Variants in QTMAN observed in about 807,000 individuals in gnomAD.
QTMAN encodes tRNA-queuosine alpha-mannosyltransferase.
At chr2:144,002,870 A>G in the QTMAN span, among the ~76,000 whole-genome samples, 1 of 152,000 alleles carries the variant, frequency 6.6e-6, no homozygotes, top group Non-Finnish European at 1.5e-5. Context: ...TTTTCCAGCT[A>G]TATTTCTTTG....
chr2:143,994,696 T>C, the QTMAN span, among the ~76,000 whole-genome samples: 1 of 152,126 alleles, frequency 6.6e-6, no homozygotes, highest in Admixed American at 6.5e-5. Context: ...GGCAAATCTA[T>C]AGTGAAAGCA....
chr2:143,987,144 G>A, the QTMAN span, among the ~76,000 whole-genome samples: 1 of 152,120 alleles, frequency 6.6e-6, no homozygotes, highest in Non-Finnish European at 1.5e-5. Flanking sequence ...GTGAGTCCTG[G>A]GCTCTGGCAC....
At chr2:144,327,248 C>A in the QTMAN span, among the ~76,000 whole-genome samples, 4 of 152,134 alleles carry the variant, frequency 2.6e-5, no homozygotes, top group African/African-American at 9.7e-5. Context: ...CATACCCCAC[C>A]CCACACGTCT....
At chr2:144,317,115 T>G in the QTMAN span, among the ~76,000 whole-genome samples, 2 of 152,192 alleles carry the variant, frequency 1.3e-5, no homozygotes, top group South Asian at 4.1e-4. Flanking sequence ...AAATAGAGTG[T>G]TCATCTATGA....
At chr2:144,141,602 A>G in the QTMAN span, among the ~76,000 whole-genome samples, 1 of 149,388 alleles carries the variant, frequency 6.7e-6, no homozygotes. Flanking sequence ...AAAAAAAAAA[A>G]GAAAGAAAGA....
At chr2:144,159,568 C>T in the QTMAN span, among the ~76,000 whole-genome samples, 1 of 152,028 alleles carries the variant, frequency 6.6e-6, no homozygotes, top group Non-Finnish European at 1.5e-5. Flanking sequence ...AGGTATTATA[C>T]AAGCATGGAA....
chr2:143,957,441 C>T, the QTMAN span: 1 of 621,220 alleles, frequency 1.6e-6, no homozygotes, highest in Non-Finnish European at 2.4e-6. Context: ...TTAGCTGCTG[C>T]TTATTTTAAC....
chr2:144,165,558 C>T, the QTMAN span, among the ~76,000 whole-genome samples: 1 of 152,122 alleles, frequency 6.6e-6, no homozygotes, highest in Non-Finnish European at 1.5e-5. Context: ...TATTTACATG[C>T]TCATGGCTCC....
At chr2:144,281,457 T>TA in the QTMAN span, among the ~76,000 whole-genome samples, 4 of 122,476 alleles carry the variant, frequency 3.3e-5, no homozygotes, top group Admixed American at 3.3e-4. Flanking sequence ...GCACAAAAGA[T>TA]ACAGTATAAT....
the QTMAN span, among the ~76,000 whole-genome samples, chr2:144,037,640 A>G: frequency 6.6e-6 from 1 of 152,240 alleles, no homozygotes; most frequent in African/African-American, 2.4e-5. Context: ...AATGTGATGT[A>G]AAACATTTCT....
the QTMAN span, among the ~76,000 whole-genome samples, chr2:143,973,140 T>C: frequency 6.6e-6 from 1 of 152,064 alleles, no homozygotes; most frequent in African/African-American, 2.4e-5. Context: ...TCTTTTTTTG[T>C]AGTTGGGGAA....
the QTMAN span, among the ~76,000 whole-genome samples, chr2:144,013,522 T>C: frequency 1.3e-5 from 2 of 152,062 alleles, no homozygotes; most frequent in Admixed American, 6.6e-5. Context: ...CATACACCAA[T>C]GTGACATATC....
chr2:144,308,831 G>A, the QTMAN span, among the ~76,000 whole-genome samples: 5 of 151,856 alleles, frequency 3.3e-5, no homozygotes, highest in East Asian at 9.7e-4. Flanking sequence ...AGAAAATGTT[G>A]ATAAACTACA....
the QTMAN span, among the ~76,000 whole-genome samples, chr2:144,153,472 G>A: frequency 6.6e-6 from 1 of 152,196 alleles, no homozygotes; most frequent in Admixed American, 6.5e-5. Context: ...CACTCTGGGA[G>A]GCTGAGGCGG....
At chr2:143,944,488 G>A in the QTMAN span, 18 of 151,946 alleles carry the variant, frequency 1.2e-4, no homozygotes, top group Admixed American at 8.5e-4. Context: ...TGTCGCCCAG[G>A]CTGGAGTGCA....
the QTMAN span, among the ~76,000 whole-genome samples, chr2:144,035,872 T>C: frequency 6.6e-6 from 1 of 152,182 alleles, no homozygotes; most frequent in African/African-American, 2.4e-5. Context: ...GCTTTTTCAG[T>C]GTGGTGTTGC....
the QTMAN span, among the ~76,000 whole-genome samples, chr2:144,090,907 G>C: frequency 6.6e-6 from 1 of 151,736 alleles, no homozygotes; most frequent in East Asian, 1.9e-4. Context: ...AAGTTAAAAA[G>C]AAAAAATTTG....
At chr2:144,107,976 G>T in the QTMAN span, among the ~76,000 whole-genome samples, 42 of 152,206 alleles carry the variant, frequency 2.8e-4, no homozygotes, top group East Asian at 7.3e-3. Flanking sequence ...ACGTAATCCA[G>T]CATATAAACA....
the QTMAN span, among the ~76,000 whole-genome samples, chr2:144,139,249 T>G: frequency 3.9e-5 from 6 of 152,186 alleles, no homozygotes; most frequent in Non-Finnish European, 8.8e-5. Flanking sequence ...TCTATTTTCA[T>G]GTGTCGATTA....
Sources: gnomAD v4.1 joint callset for allele counts (sites outside exome capture counted in the v4.1 genomes callset) on GRCh38, gnomAD v4.1.1 for gene constraint, MANE v1.5 for transcripts, NCBI Gene and HGNC (gene_info 2026-07-23, HGNC 2026-07-21) for gene names.